The following KCTD16 variants were observed in gnomAD, a reference collection of about 807,000 sequenced individuals.
KCTD16 encodes the protein potassium channel tetramerization domain containing 16, also known as BTB/POZ domain-containing protein KCTD16.
In KCTD16, 13 loss-of-function variants were observed where a neutral mutation model predicts 33.2. The ratio of observed to expected loss-of-function variants is 0.39; its 90% CI spans 0.25 to 0.62. The LOEUF (loss-of-function observed/expected upper bound fraction) is 0.62, where lower values mean the gene tolerates loss of function less well. KCTD16 is among the 20% of genes least tolerant of loss of function. The pLI is 0.50. For missense variants in KCTD16, 441 were observed against 525.1 expected (o/e 0.84, Z 1.57); for synonymous variants, 197 against 195.3 (o/e 1.01, Z -0.07).
intron 2 of KCTD16, among the ~76,000 whole-genome samples, chr5:144,196,401 T>C (rs1329216197): frequency 2.0e-5 from 3 of 152,158 alleles, no homozygotes; most frequent in Non-Finnish European, 4.4e-5. Flanking sequence ...TCGGACCAAA[T>C]GGCAATAAAA....
chr5:144,360,290 C>T (rs1751678237), intron 3 of KCTD16, among the ~76,000 whole-genome samples: 2 of 152,096 alleles, frequency 1.3e-5, no homozygotes, highest in Non-Finnish European at 2.9e-5. Flanking sequence ...GTGATGTTCC[C>T]TGCCCTGTGT....
chr5:144,336,351 T>A (rs534693293), intron 3 of KCTD16, among the ~76,000 whole-genome samples: 64 of 152,218 alleles, frequency 4.2e-4, no homozygotes, highest in Admixed American at 1.6e-3. Flanking sequence ...GTGCACAAAG[T>A]CTGCTAATCC....
chr5:144,351,188 A>C (rs1295704885), intron 3 of KCTD16, among the ~76,000 whole-genome samples: 1 of 152,152 alleles, frequency 6.6e-6, no homozygotes, highest in African/African-American at 2.4e-5. Context: ...TCTCTGCCTC[A>C]TCTTTCCCTT....
At chr5:144,231,589 C>A (rs1754104708) in intron 3 of KCTD16, among the ~76,000 whole-genome samples, 1 of 152,106 alleles carries the variant, frequency 6.6e-6, no homozygotes, top group African/African-American at 2.4e-5. Flanking sequence ...GGCACTCAAA[C>A]CTCACCTTGA....
At chr5:144,265,950 A>G (rs1248444932) in intron 3 of KCTD16, among the ~76,000 whole-genome samples, 1 of 152,166 alleles carries the variant, frequency 6.6e-6, no homozygotes, top group Non-Finnish European at 1.5e-5. Context: ...CAAAAAGGGT[A>G]TTATGTATGA....
At chr5:144,464,856 G>T (rs1460645502) in intron 3 of KCTD16, among the ~76,000 whole-genome samples, 1 of 151,664 alleles carries the variant, frequency 6.6e-6, no homozygotes, top group Admixed American at 6.6e-5. Flanking sequence ...CTCTCTGTTG[G>T]GCCCAAGTAC....
intron 2 of KCTD16, among the ~76,000 whole-genome samples, chr5:144,184,840 C>A (rs1580772887): frequency 6.6e-6 from 1 of 152,142 alleles, no homozygotes; most frequent in Non-Finnish European, 1.5e-5. Flanking sequence ...TATTCAAGCC[C>A]TTTGCTACAA....
rs1321735899 is a variant in KCTD16 at position 144,477,792 on chromosome 5, G to A, written c.*3678G>A. ...TCAACTTTGTATCTACTATAGTGTA[G>A]ATCTGTGAATTTGAGTGCTGGTATT... On this transcript the variant is annotated 3_prime_UTR_variant, in exon 4 of 4. Coordinates refer to ENST00000512467, the MANE Select transcript of KCTD16 (RefSeq NM_020768.4). 2 of 151,786 alleles carry A rather than the reference G, an allele frequency of 1.3e-5. No individual in the cohort carries two copies. Among genetic ancestry groups the A allele is most frequent in the African/African-American group, 4.8e-5 (2 of 41,318 alleles). 9.4% of individuals were successfully genotyped at this position (151,786 alleles called of 1,614,324 possible). A position where few individuals can be genotyped will look rare whatever the true frequency, so the allele number is the denominator to read the frequency against.
At chr5:144,464,763 T>TCTC (rs1754282081) in intron 3 of KCTD16, among the ~76,000 whole-genome samples, 1 of 150,362 alleles carries the variant, frequency 6.7e-6, no homozygotes, top group African/African-American at 2.4e-5. Flanking sequence ...CTCTTCCTCT[T>TCTC]CTTCTTCTTC....
rs1169684949 is a variant in KCTD16, at chr5:144,478,567, C to T, written c.*4453C>T. 33 of 152,014 alleles carry T rather than the reference C, an allele frequency of 2.2e-4. No individual in the cohort carries two copies. The highest frequency in any genetic ancestry group is 2.2e-3 in the Admixed American group (33 of 15,236). 9.4% of individuals were successfully genotyped at this position (152,014 alleles called of 1,614,324 possible). On this transcript the variant is annotated 3_prime_UTR_variant, in exon 4 of 4. Coordinates refer to ENST00000512467, the MANE Select transcript of KCTD16 (RefSeq NM_020768.4). ...AAAAATGCAGATTCCTTCAACCTAA[C>T]TTCAAAGAGTCTGATTCAGAAACTT...
At chr5:144,389,391 C>T (rs137936633) in intron 3 of KCTD16, among the ~76,000 whole-genome samples, 30 of 152,190 alleles carry the variant, frequency 2.0e-4, no homozygotes, top group African/African-American at 7.0e-4. Context: ...ATTAGGTTCT[C>T]ATGGAAGCTG....
At chr5:144,216,716 C>T (rs1162734732) in intron 3 of KCTD16, among the ~76,000 whole-genome samples, 5 of 151,628 alleles carry the variant, frequency 3.3e-5, no homozygotes, top group East Asian at 1.9e-4. Flanking sequence ...TGGTGACGGG[C>T]GCCTGTAGTC....
chr5:144,283,344 GCTGT>G (rs776026643), intron 3 of KCTD16, among the ~76,000 whole-genome samples: 1 of 152,180 alleles, frequency 6.6e-6, no homozygotes, highest in African/African-American at 2.4e-5. Context: ...CCTTATGCAT[GCTGT>G]CTAACAGTTT....
chr5:144,465,334 G>A (rs1371789000), intron 3 of KCTD16, among the ~76,000 whole-genome samples: 14 of 152,054 alleles, frequency 9.2e-5, no homozygotes, highest in Non-Finnish European at 1.5e-5. Context: ...CTCTTCTTCA[G>A]AGCTTTTTAA....
At chr5:144,373,131 T>TTTC (rs1752005894) in intron 3 of KCTD16, among the ~76,000 whole-genome samples, 1 of 152,110 alleles carries the variant, frequency 6.6e-6, no homozygotes, top group Non-Finnish European at 1.5e-5. Flanking sequence ...GCTGGGTAGA[T>TTTC]GGTGGTGCCA....
chr5:144,428,006 G>A (rs1310969267), intron 3 of KCTD16, among the ~76,000 whole-genome samples: 1 of 151,988 alleles, frequency 6.6e-6, no homozygotes, highest in Non-Finnish European at 1.5e-5. Context: ...CACAGAGTAA[G>A]AACTCAAAGA....
intron 3 of KCTD16, among the ~76,000 whole-genome samples, chr5:144,223,998 C>T (rs949097463): frequency 6.6e-6 from 1 of 150,646 alleles, no homozygotes; most frequent in African/African-American, 2.4e-5. Context: ...GTGAATTTCC[C>T]TCTCTTGAAA....
chr5:144,240,312 T>C (rs758172458), intron 3 of KCTD16, among the ~76,000 whole-genome samples: 1 of 152,162 alleles, frequency 6.6e-6, no homozygotes, highest in Non-Finnish European at 1.5e-5. Flanking sequence ...AAATTCGAAT[T>C]GTGCTTCCTT....
At chr5:144,373,996 G>A (rs556749943) in intron 3 of KCTD16, among the ~76,000 whole-genome samples, 1 of 152,258 alleles carries the variant, frequency 6.6e-6, no homozygotes, top group Admixed American at 6.5e-5. Context: ...ACCACATCAA[G>A]TTCTCCCTTA....
Sources: allele counts gnomAD v4.1 joint callset (sites outside exome capture counted in the v4.1 genomes callset), GRCh38; gene constraint gnomAD v4.1.1; transcripts MANE v1.5; gene names NCBI Gene and HGNC (gene_info 2026-07-23, HGNC 2026-07-21).